Variants in SERGEF observed in about 807,000 individuals in gnomAD.
SERGEF encodes the protein secretion-regulating guanine nucleotide exchange factor.
Under a neutral mutation model 50.0 loss-of-function variants are expected in SERGEF, and 51 were observed. The observed-to-expected ratio is 1.02, with a 90% CI of 0.81 to 1.29. The LOEUF (loss-of-function observed/expected upper bound fraction) is 1.29, where lower values mean the gene tolerates loss of function less well. Among genes scored for constraint, SERGEF ranks in the 50% most tolerant of loss-of-function variants. The pLI is 0.00. For synonymous variants in SERGEF, 205 were observed against 212.4 expected, an observed-to-expected ratio of 0.97 and a Z score of 0.30; for missense variants, 521 against 557.0, an observed-to-expected ratio of 0.94 and a Z score of 0.65.
At chr11:17,803,835 C>T (rs768591646) in intron 10 of SERGEF, among the ~76,000 whole-genome samples, 136 of 152,322 alleles carry the variant, frequency 8.9e-4, no homozygotes, top group Non-Finnish European at 5.1e-4. Flanking sequence ...TTGCATGGAA[C>T]AAGTAGGTAA....
chr11:18,007,344 T>C (rs1390072636), intron 2 of SERGEF, among the ~76,000 whole-genome samples: 1 of 152,172 alleles, frequency 6.6e-6, no homozygotes, highest in Admixed American at 6.5e-5. Flanking sequence ...ACTCACTGGT[T>C]CTCTTCACCC....
intron 10 of SERGEF, among the ~76,000 whole-genome samples, chr11:17,826,453 C>T (rs983629579): frequency 1.3e-5 from 2 of 152,176 alleles, no homozygotes; most frequent in African/African-American, 2.4e-5. Flanking sequence ...TCTTTTTAAC[C>T]TCCATTTGCA....
chr11:17,971,022 G>A (rs577689182), intron 8 of SERGEF, among the ~76,000 whole-genome samples: 14 of 151,996 alleles, frequency 9.2e-5, no homozygotes, highest in South Asian at 2.1e-4. Context: ...GTGAAACCCC[G>A]TCTCTACAAA....
intron 10 of SERGEF, among the ~76,000 whole-genome samples, chr11:17,810,580 T>C (rs892118389): frequency 6.6e-6 from 1 of 152,316 alleles, no homozygotes; most frequent in African/African-American, 2.4e-5. Flanking sequence ...CCCAAGTCCA[T>C]AGCATTCCCT....
intron 9 of SERGEF, among the ~76,000 whole-genome samples, chr11:17,944,104 T>C (rs1852610056): frequency 6.6e-6 from 1 of 152,148 alleles, no homozygotes; most frequent in African/African-American, 2.4e-5. Context: ...ATTTTTTATA[T>C]TTTTAGTAGA....
intron 10 of SERGEF, among the ~76,000 whole-genome samples, chr11:17,842,829 GC>G (rs1327109637): frequency 1.3e-5 from 2 of 152,190 alleles, no homozygotes; most frequent in Non-Finnish European, 2.9e-5. Flanking sequence ...GACTGAAACA[GC>G]TGGACTTGGT....
chr11:17,934,148 A>G (rs1024359512), intron 9 of SERGEF, among the ~76,000 whole-genome samples: 1 of 152,170 alleles, frequency 6.6e-6, no homozygotes, highest in Non-Finnish European at 1.5e-5. Context: ...CCAGGTATAG[A>G]TATCACTGCC....
At chr11:17,897,582 C>T (rs1851672118) in intron 9 of SERGEF, among the ~76,000 whole-genome samples, 1 of 152,212 alleles carries the variant, frequency 6.6e-6, no homozygotes, top group South Asian at 2.1e-4. Context: ...CACATAACAA[C>T]ATGGATGAAT....
intron 9 of SERGEF, among the ~76,000 whole-genome samples, chr11:17,909,732 T>C (rs567990753): frequency 6.6e-6 from 1 of 152,248 alleles, no homozygotes; most frequent in African/African-American, 2.4e-5. Flanking sequence ...TCAAACTGAA[T>C]AAAGGAAGTG....
chr11:17,857,996 T>C (rs1038553735), intron 10 of SERGEF, among the ~76,000 whole-genome samples: 3 of 152,020 alleles, frequency 2.0e-5, no homozygotes, highest in Non-Finnish European at 4.4e-5. Flanking sequence ...AGGAGGTAAC[T>C]GATTATGCAG....
intron 9 of SERGEF, among the ~76,000 whole-genome samples, chr11:17,925,861 T>C (rs1852240134): frequency 6.6e-6 from 1 of 152,174 alleles, no homozygotes; most frequent in Non-Finnish European, 1.5e-5. Flanking sequence ...AGCTGTACCA[T>C]TTACCAGCTG....
rs1465406689 is a variant in SERGEF at position 17,988,635 on chromosome 11, G to A, written c.806C>T (p.Ala269Val). The change falls in exon 8 of 11, where the codon GCC becomes GTC. Residue 269 changes from alanine to valine, a missense_variant. Physicochemically the swap from Ala to Val is moderately conservative, Grantham distance 64. Coordinates refer to ENST00000265965, the MANE Select transcript of SERGEF (RefSeq NM_012139.4). ...AHCFQNEKVT[A>V]IWSGWTHLVA... ...CAGGTGTGTCCATCCACTCCAGATG[G>A]CAGTGACCTTTTCATTCTGGAAACA... 1 of 1,614,124 alleles carries A rather than the reference G, an allele frequency of 6.2e-7. No homozygotes were observed. Among genetic ancestry groups the A allele is most frequent in the Admixed American group, 1.7e-5 (1 of 60,016 alleles).
rs1375082718 is a variant in SERGEF, at chr11:18,000,626, C to A, written c.448-69G>T. The A allele has an allele frequency of 9.0e-6, 10 of 1,117,126 alleles. No individual in the cohort carries two copies. In the East Asian group the frequency reaches 1.9e-4, roughly 21 times the overall value. The allele number at this position is 1,117,126 out of a possible 1,614,324, so 69.2% of individuals were successfully genotyped here. A position where few individuals can be genotyped will look rare whatever the true frequency, so the allele number is the denominator to read the frequency against. On this transcript the variant is annotated intron_variant, in intron 4 of 10. Transcript: ENST00000265965. ...CTACAAAATTTTATGTAATTTATAC[C>A]AAATACAATGCAGTACGGTCCTCAT... is the stretch of plus-strand genomic sequence containing the variant.
At chr11:17,821,704 T>C (rs1224205730) in intron 10 of SERGEF, among the ~76,000 whole-genome samples, 1 of 152,222 alleles carries the variant, frequency 6.6e-6, no homozygotes, top group Non-Finnish European at 1.5e-5. Context: ...TCACATAGAT[T>C]AATCTCTCTA....
At chr11:17,845,771 T>C (rs1170649217) in intron 10 of SERGEF, among the ~76,000 whole-genome samples, 1 of 152,174 alleles carries the variant, frequency 6.6e-6, no homozygotes, top group Non-Finnish European at 1.5e-5. Flanking sequence ...TACAATTCTC[T>C]CTTTTCTACT....
At chr11:17,928,557 T>C (rs4757605) in intron 9 of SERGEF, among the ~76,000 whole-genome samples, 18,337 of 152,174 alleles carry the variant, frequency 0.12, 1,358 homozygotes, top group Middle Eastern at 0.22. Flanking sequence ...TGTCTCTAGC[T>C]ATAGTGGCCT....
At position 18,013,019 on chromosome 11, in the gene SERGEF, G is replaced by C; in HGVS notation, c.-9C>G. 7.3e-7 allele frequency: 1 copy of C among 1,373,806 alleles called. No individual in the cohort carries two copies. Among genetic ancestry groups the C allele is most frequent in the Non-Finnish European group, 9.3e-7 (1 of 1,074,468 alleles). 85.1% of individuals were successfully genotyped at this position (1,373,806 alleles called of 1,614,324 possible). ...CTGGGCTCGCGCTCCATGCGAGGAC[G>C]CTCCGCCGGCGCTTCCGGGAGGGAC... On this transcript the variant is annotated 5_prime_UTR_variant, in exon 1 of 11. Coordinates refer to ENST00000265965, the MANE Select transcript of SERGEF (RefSeq NM_012139.4). This position sits in a 1 kb window ranked among gnomAD's most constrained non-coding sequence, Gnocchi z 4.3.
intron 9 of SERGEF, among the ~76,000 whole-genome samples, chr11:17,950,826 CAA>C (rs1852760048): frequency 6.6e-6 from 1 of 152,208 alleles, no homozygotes; most frequent in Admixed American, 6.5e-5. Flanking sequence ...TCAAATGCAA[CAA>C]AAGACAGCTG....
At chr11:17,890,444 C>CTG (rs148597195) in intron 9 of SERGEF, among the ~76,000 whole-genome samples, 8 of 151,712 alleles carry the variant, frequency 5.3e-5, no homozygotes, top group East Asian at 1.9e-4. Context: ...AAAAGTAGGG[C>CTG]TGTGTGTGTG....
Sources: gnomAD v4.1 joint callset for allele counts (sites outside exome capture counted in the v4.1 genomes callset) on GRCh38, gnomAD v4.1.1 for gene constraint, Gnocchi (gnomAD v3.1) non-coding constraint, MANE v1.5 for transcripts, NCBI Gene and HGNC (gene_info 2026-07-23, HGNC 2026-07-21) for gene names.